Variants in IGFL2 observed in about 807,000 individuals in gnomAD.
IGFL2 encodes IGF like family member 2.
Under a neutral mutation model 13.9 loss-of-function variants are expected in IGFL2, and 7 were observed. That is an observed-to-expected ratio of 0.51 (90% CI 0.29 to 0.95). IGFL2 has a LOEUF of 0.95. Ranked by LOEUF, IGFL2 falls within the 40% of genes least tolerant of loss-of-function variation. The probability of loss-of-function intolerance (pLI) is 0.08; values close to 1 mark genes in which losing one functional copy is unlikely to be tolerated. For missense variants in IGFL2, 138 were observed against 147.8 expected, an observed-to-expected ratio of 0.93 and a Z score of 0.34; for synonymous variants, 55 against 55.8, an observed-to-expected ratio of 0.99 and a Z score of 0.07.
chr19:46,137,342 G>A, the IGFL2 span: 1 of 1,122,634 alleles, frequency 8.9e-7, no homozygotes, highest in East Asian at 2.4e-5. Flanking sequence ...CTTGTGGCGG[G>A]CGTTGATGAA....
At chr19:46,159,252 A>G (rs1600939775) in intron 1 of IGFL2, 1 of 152,174 alleles carries the variant, frequency 6.6e-6, no homozygotes, top group Non-Finnish European at 1.5e-5. Flanking sequence ...CATCTTTTGA[A>G]ACTTCTAAGG....
the IGFL2 span, among the ~76,000 whole-genome samples, chr19:46,118,972 CCCTT>C: frequency 2.0e-5 from 3 of 152,098 alleles, no homozygotes; most frequent in Non-Finnish European, 4.4e-5. Flanking sequence ...AGTCCAGACT[CCCTT>C]ATACATACTC....
the IGFL2 span, among the ~76,000 whole-genome samples, chr19:46,172,858 C>T: frequency 6.6e-6 from 1 of 152,148 alleles, no homozygotes; most frequent in African/African-American, 2.4e-5. Flanking sequence ...GCTCTACAGA[C>T]ATGTGCCACC....
At chr19:46,110,914 G>T in the IGFL2 span, among the ~76,000 whole-genome samples, 2 of 151,986 alleles carry the variant, frequency 1.3e-5, no homozygotes, top group African/African-American at 4.8e-5. Flanking sequence ...TTTCCTGTAA[G>T]AAATATTCCT....
the IGFL2 span, among the ~76,000 whole-genome samples, chr19:46,090,257 C>G: frequency 1.3e-5 from 2 of 152,114 alleles, no homozygotes; most frequent in African/African-American, 4.8e-5. Flanking sequence ...TACTGTTTTC[C>G]TCATTTCTTT....
chr19:46,125,260 A>G, the IGFL2 span, among the ~76,000 whole-genome samples: 58 of 152,176 alleles, frequency 3.8e-4, 1 homozygote, highest in Non-Finnish European at 1.0e-4. Context: ...CAATGGCCCA[A>G]ATCTCCTGGT....
the IGFL2 span, among the ~76,000 whole-genome samples, chr19:46,100,773 C>T: frequency 6.6e-6 from 1 of 152,224 alleles, no homozygotes; most frequent in Non-Finnish European, 1.5e-5. Context: ...CCCAGCTTGA[C>T]TCTTCCTTTT....
chr19:46,215,245 A>G, the IGFL2 span, among the ~76,000 whole-genome samples: 1 of 152,212 alleles, frequency 6.6e-6, no homozygotes, highest in Non-Finnish European at 1.5e-5. Flanking sequence ...GAATTTTACT[A>G]ACTATAGCTA....
intron 1 of IGFL2, chr19:46,159,215 G>T (rs182040988): frequency 6.6e-6 from 1 of 152,224 alleles, no homozygotes; most frequent in East Asian, 1.9e-4. Flanking sequence ...TAGTTCTCCA[G>T]GGAGTAAACA....
the IGFL2 span, among the ~76,000 whole-genome samples, chr19:46,181,962 C>A: frequency 6.6e-6 from 1 of 152,166 alleles, no homozygotes; most frequent in African/African-American, 2.4e-5. Context: ...GAAGAACTTT[C>A]TTTTTAGCAT....
chr19:46,080,719 T>C, the IGFL2 span, among the ~76,000 whole-genome samples: 2 of 152,286 alleles, frequency 1.3e-5, no homozygotes, highest in East Asian at 3.9e-4. Flanking sequence ...CAGACTTCTG[T>C]CAGGAAAGAG....
the IGFL2 span, chr19:46,210,100 C>T: frequency 1.3e-5 from 2 of 152,188 alleles, no homozygotes; most frequent in Non-Finnish European, 2.9e-5. Context: ...AGGACTTGTT[C>T]CCTTCTTGTT....
chr19:46,113,620 A>G, the IGFL2 span: 4 of 267,276 alleles, frequency 1.5e-5, no homozygotes, highest in Non-Finnish European at 3.2e-5. Flanking sequence ...TGATGTCTAT[A>G]GAGAGCTTTC....
chr19:46,137,605 C>T, the IGFL2 span: 1 of 1,003,830 alleles, frequency 1.0e-6, no homozygotes, highest in Non-Finnish European at 1.5e-6. Flanking sequence ...TCATTGTTTC[C>T]ATGAGTCAGT....
the IGFL2 span, among the ~76,000 whole-genome samples, chr19:46,085,261 C>T: frequency 6.6e-6 from 1 of 152,018 alleles, no homozygotes; most frequent in African/African-American, 2.4e-5. Flanking sequence ...CAAAAGAAAA[C>T]AAAACAAAAC....
chr19:46,153,983 C>G (rs1393979940), intron 1 of IGFL2, among the ~76,000 whole-genome samples: 1 of 151,952 alleles, frequency 6.6e-6, no homozygotes, highest in Non-Finnish European at 1.5e-5. Context: ...GTGCTGCTTC[C>G]CTTTTCCCCC....
the IGFL2 span, among the ~76,000 whole-genome samples, chr19:46,193,825 A>G: frequency 1.3e-5 from 2 of 152,178 alleles, no homozygotes; most frequent in Non-Finnish European, 2.9e-5. Context: ...TCTCGGGTCT[A>G]GGCTGCTATC....
At chr19:46,148,769 T>C in intron 1 of IGFL2, 5 of 1,110,714 alleles carry the variant, frequency 4.5e-6, no homozygotes, top group Non-Finnish European at 6.2e-6. Context: ...GCACTGTGGA[T>C]AGGGTTGGGG....
chr19:46,082,595 A>G, the IGFL2 span, among the ~76,000 whole-genome samples: 3 of 151,934 alleles, frequency 2.0e-5, no homozygotes, highest in African/African-American at 7.2e-5. Flanking sequence ...AGAAGCAGGG[A>G]CTTCTGGCTC....
Sources: gnomAD v4.1 joint callset for allele counts (sites outside exome capture counted in the v4.1 genomes callset) on GRCh38, gnomAD v4.1.1 for gene constraint, MANE v1.5 for transcripts, NCBI Gene and HGNC (gene_info 2026-07-23, HGNC 2026-07-21) for gene names.